Variants in GPCPD1 observed in about 807,000 individuals in gnomAD.
The protein encoded by GPCPD1 is glycerophosphocholine phosphodiesterase 1, also known as glycerophosphocholine phosphodiesterase GPCPD1.
GPCPD1 carries 29 observed loss-of-function variants against 89.2 expected under a neutral mutation model. The observed-to-expected ratio is 0.33, with a 90% CI of 0.24 to 0.44. The LOEUF (loss-of-function observed/expected upper bound fraction) is 0.44. Ranked by LOEUF, GPCPD1 falls within the 20% of genes least tolerant of loss-of-function variation. The probability of loss-of-function intolerance (pLI) is 1.00; values close to 1 mark genes in which losing one functional copy is unlikely to be tolerated. For missense variants in GPCPD1, 594 were observed against 808.9 expected, an observed-to-expected ratio of 0.73 and a Z score of 3.22; for synonymous variants, 258 against 266.3, an observed-to-expected ratio of 0.97 and a Z score of 0.30.
intron 10 of GPCPD1, among the ~76,000 whole-genome samples, chr20:5,575,148 C>A (rs1417249292): frequency 2.6e-5 from 4 of 152,194 alleles, no homozygotes; most frequent in East Asian, 1.9e-4. Flanking sequence ...GACACAGACA[C>A]ACACACTGAT....
In GPCPD1 at chr20:5,563,120, C is replaced by CT. The variant is rs553002819; in HGVS notation, c.1330-1591dup. On this transcript the variant is annotated intron_variant, in intron 15 of 19. Coordinates refer to ENST00000379019, the MANE Select transcript of GPCPD1 (RefSeq NM_019593.5). Reference sequence around the variant, plus strand: ...GCCTCAGCCTCCCGAGTAGCTGGGACTACAGGCACCCGCCACCACACCAGG... The same window carrying CT: ...GCCTCAGCCTCCCGAGTAGCTGGGACTTACAGGCACCCGCCACCACACCAGG... Among the ~76,000 whole-genome samples, 714 of 151,992 alleles carry CT rather than the reference C, an allele frequency of 4.7e-3. 6 individuals carry two copies. The highest frequency in any genetic ancestry group is 0.011 in the South Asian group (51 of 4,812).
intron 4 of GPCPD1, among the ~76,000 whole-genome samples, chr20:5,591,554 C>T (rs746398417): frequency 4.6e-5 from 7 of 152,126 alleles, no homozygotes; most frequent in Non-Finnish European, 8.8e-5. Flanking sequence ...CTTTTTAATG[C>T]TTTCATTATT....
intron 4 of GPCPD1, among the ~76,000 whole-genome samples, chr20:5,590,312 G>A (rs914577373): frequency 4.0e-5 from 6 of 151,898 alleles, no homozygotes; most frequent in Admixed American, 6.6e-5. Context: ...AGGCTGTGGC[G>A]GGTGGATCAC....
rs1319597919 is a variant in GPCPD1, at chr20:5,544,899, AC to A, written c.*2761del. ...TGTAAGCTTGGAGTTTGGATGGGAG[AC>A]GACAGACAAGTGTCACAAGGAGCAA... is the stretch of plus-strand genomic sequence containing the variant. On this transcript the variant is annotated 3_prime_UTR_variant, in exon 20 of 20. Transcript: ENST00000379019. The A allele has an allele frequency of 6.6e-6, 1 of 152,212 alleles. No homozygotes were observed. The highest frequency in any genetic ancestry group is 1.5e-5 in the Non-Finnish European group (1 of 68,058). The allele number at this position is 152,212 out of a possible 1,614,324, so 9.4% of individuals were successfully genotyped here. A position where few individuals can be genotyped will look rare whatever the true frequency, so the allele number is the denominator to read the frequency against.
At chr20:5,562,955 T>C (rs1336146373) in intron 15 of GPCPD1, among the ~76,000 whole-genome samples, 1 of 152,136 alleles carries the variant, frequency 6.6e-6, no homozygotes, top group Non-Finnish European at 1.5e-5. Flanking sequence ...ATAATGAGAT[T>C]ATATTTGGTA....
intron 4 of GPCPD1, among the ~76,000 whole-genome samples, chr20:5,589,765 A>C (rs1979195313): frequency 6.6e-6 from 1 of 152,222 alleles, no homozygotes; most frequent in Non-Finnish European, 1.5e-5. Flanking sequence ...AAGATCTAAG[A>C]AAAGGAAACA....
chr20:5,604,990 T>C (rs1980480310), intron 1 of GPCPD1, among the ~76,000 whole-genome samples: 1 of 151,388 alleles, frequency 6.6e-6, no homozygotes, highest in Non-Finnish European at 1.5e-5. Flanking sequence ...AAAGTTTTTT[T>C]AAAAAAAGCA....
At chr20:5,565,375 A>T (rs772433746) in intron 14 of GPCPD1, among the ~76,000 whole-genome samples, 16 of 152,044 alleles carry the variant, frequency 1.1e-4, no homozygotes, top group Non-Finnish European at 1.8e-4. Context: ...ATGCCCATAG[A>T]CATGCACTAC....
intron 11 of GPCPD1, among the ~76,000 whole-genome samples, chr20:5,572,806 A>T (rs966030436): frequency 1.6e-4 from 15 of 93,402 alleles, no homozygotes; most frequent in African/African-American, 1.0e-3. Flanking sequence ...TAACTGGATT[A>T]AAAAAAAAAA....
chr20:5,606,692 G>A (rs1443009820), intron 1 of GPCPD1, among the ~76,000 whole-genome samples: 1 of 152,130 alleles, frequency 6.6e-6, no homozygotes, highest in Non-Finnish European at 1.5e-5. Context: ...ACAATACGCA[G>A]AACAGCCCTC....
chr20:5,552,097 T>C (rs1050066080), intron 19 of GPCPD1, among the ~76,000 whole-genome samples: 2 of 152,184 alleles, frequency 1.3e-5, no homozygotes, highest in South Asian at 2.1e-4. Context: ...CAAGAAATTA[T>C]TGGTATTTTA....
intron 3 of GPCPD1, among the ~76,000 whole-genome samples, chr20:5,595,806 A>AGGG (rs34342997): frequency 9.3e-5 from 14 of 150,248 alleles, no homozygotes; most frequent in African/African-American, 2.5e-4. Flanking sequence ...AAAGAAAAAA[A>AGGG]GGGGGGGGGA....
At position 5,547,459 on chromosome 20, in the gene GPCPD1, A is replaced by G; in HGVS notation, c.*202T>C. On this transcript the variant is annotated 3_prime_UTR_variant, in exon 20 of 20. Transcript: ENST00000379019. Reference sequence around the variant, plus strand: ...ACTAACCAATAAATTTTCTCACTATAAAGAGACTGACTGGCAATTATACCT... The same window carrying G: ...ACTAACCAATAAATTTTCTCACTATGAAGAGACTGACTGGCAATTATACCT... The G allele has an allele frequency of 2.8e-6, 1 of 357,264 alleles. No individual in the cohort carries two copies. Among genetic ancestry groups the G allele is most frequent in the Non-Finnish European group, 5.0e-6 (1 of 199,602 alleles). The allele number at this position is 357,264 out of a possible 1,614,324, so 22.1% of individuals were successfully genotyped here. A position where few individuals can be genotyped will look rare whatever the true frequency, so the allele number is the denominator to read the frequency against.
At chr20:5,592,120 A>T (rs1012094817) in intron 4 of GPCPD1, among the ~76,000 whole-genome samples, 3 of 152,216 alleles carry the variant, frequency 2.0e-5, no homozygotes, top group Non-Finnish European at 4.4e-5. Flanking sequence ...CAAAGAACTC[A>T]TTATCATCTT....
At chr20:5,598,494 TA>T (rs35672719) in intron 3 of GPCPD1, among the ~76,000 whole-genome samples, 36,576 of 138,728 alleles carry the variant, frequency 0.26, 4,428 homozygotes, top group Non-Finnish European at 0.28. Flanking sequence ...AAAATACATC[TA>T]AAAAAAAAAA....
chr20:5,605,500 C>A (rs1057193549), intron 1 of GPCPD1, among the ~76,000 whole-genome samples: 4 of 152,154 alleles, frequency 2.6e-5, no homozygotes, highest in Non-Finnish European at 5.9e-5. Context: ...AAGAAGGAGT[C>A]CAGGCAAGTG....
chr20:5,585,866 C>G (rs1978887284), intron 5 of GPCPD1: 1 of 212,112 alleles, frequency 4.7e-6, no homozygotes, highest in African/African-American at 2.3e-5. Flanking sequence ...AGCAAGTAAA[C>G]AAATAGAGCT....
chr20:5,609,139 T>A (rs1980787261), intron 1 of GPCPD1, among the ~76,000 whole-genome samples: 1 of 152,238 alleles, frequency 6.6e-6, no homozygotes, highest in African/African-American at 2.4e-5. Flanking sequence ...AAGTGTTTTT[T>A]TGGCTACAAG....
intron 14 of GPCPD1, among the ~76,000 whole-genome samples, chr20:5,565,713 G>T (rs2122607376): frequency 6.6e-6 from 1 of 152,208 alleles, no homozygotes; most frequent in East Asian, 1.9e-4. Flanking sequence ...CACAAGCTGT[G>T]ATTTTGCTAT....
Sources: gnomAD v4.1 joint callset for allele counts (sites outside exome capture counted in the v4.1 genomes callset) on GRCh38, gnomAD v4.1.1 for gene constraint, MANE v1.5 for transcripts, NCBI Gene and HGNC (gene_info 2026-07-23, HGNC 2026-07-21) for gene names.